The following ERC2 variants were observed in gnomAD, a reference collection of about 807,000 sequenced individuals.
ERC2 encodes the protein ELKS/RAB6-interacting/CAST family member 2, also known as ERC protein 2.
Under a neutral mutation model 114.8 loss-of-function variants are expected in ERC2, and 42 were observed. The ratio of observed to expected loss-of-function variants is 0.37; its 90% CI spans 0.29 to 0.47. ERC2 has a LOEUF of 0.47. Ranked by LOEUF, ERC2 falls within the 20% of genes least tolerant of loss-of-function variation. The pLI is 0.99. For missense variants in ERC2, 939 were observed against 1,150.7 expected, an observed-to-expected ratio of 0.82 and a Z score of 2.66; for synonymous variants, 454 against 425.5, an observed-to-expected ratio of 1.07 and a Z score of -0.82.
At chr3:55,583,120 G>C (rs1235166871) in intron 17 of ERC2, among the ~76,000 whole-genome samples, 1 of 152,142 alleles carries the variant, frequency 6.6e-6, no homozygotes, top group African/African-American at 2.4e-5. Context: ...AACACCAATT[G>C]TTATGCTCTG....
At position 56,434,447 on chromosome 3, in the gene ERC2, A is replaced by G. The variant is rs2061930049; in HGVS notation, c.561T>C (p.Ser187=). 6.2e-7 allele frequency: 1 copy of G among 1,613,688 alleles called. No homozygotes were observed. The highest frequency in any genetic ancestry group is 8.5e-7 in the Non-Finnish European group (1 of 1,179,878). ...SSMNSIKTFW[S]PELKKERVLR... ...AGACTCTCTCCTTCTTAAGCTCAGG[A>G]CTCCAGAAAGTCTTAATACTGTTCA... Residue 187 remains serine (S), a synonymous_variant, in exon 2 of 18, where the codon AGT becomes AGC. Transcript: ENST00000288221.
At chr3:55,798,942 AT>A (rs2149094437) in intron 14 of ERC2, among the ~76,000 whole-genome samples, 1 of 152,322 alleles carries the variant, frequency 6.6e-6, no homozygotes, top group South Asian at 2.1e-4. Context: ...TTAACTATAC[AT>A]TTTTAAAAAT....
intron 14 of ERC2, among the ~76,000 whole-genome samples, chr3:55,826,529 C>T (rs150242796): frequency 1.7e-4 from 26 of 152,314 alleles, no homozygotes; most frequent in Middle Eastern, 6.8e-3. Flanking sequence ...GAGGTTAAAA[C>T]GTGAACTAGT....
intron 6 of ERC2, among the ~76,000 whole-genome samples, chr3:56,122,827 C>T (rs529711923): frequency 1.4e-4 from 21 of 152,294 alleles, no homozygotes; most frequent in African/African-American, 4.6e-4. Context: ...TAGCAACACC[C>T]TCCTGTCTCT....
At chr3:56,063,120 T>C (rs2076317546) in intron 7 of ERC2, among the ~76,000 whole-genome samples, 1 of 152,206 alleles carries the variant, frequency 6.6e-6, no homozygotes, top group South Asian at 2.1e-4. Flanking sequence ...CACGAAAGTC[T>C]ATCCATATAC....
chr3:55,561,424 C>T (rs1314954840), intron 17 of ERC2, among the ~76,000 whole-genome samples: 1 of 152,106 alleles, frequency 6.6e-6, no homozygotes, highest in African/African-American at 2.4e-5. Context: ...GAAGACTTGG[C>T]AAACGGGGCT....
At chr3:56,271,253 T>C (rs2053637033) in intron 3 of ERC2, among the ~76,000 whole-genome samples, 1 of 152,162 alleles carries the variant, frequency 6.6e-6, no homozygotes, top group African/African-American at 2.4e-5. Context: ...AAGTCTCATA[T>C]CCTGGGAAAC....
At chr3:55,604,932 C>T (rs1335873209) in intron 17 of ERC2, among the ~76,000 whole-genome samples, 1 of 152,138 alleles carries the variant, frequency 6.6e-6, no homozygotes, top group Non-Finnish European at 1.5e-5. Context: ...TCTTGTTGGA[C>T]TCCATCTACA....
At chr3:56,405,632 T>C (rs1473020305) in intron 2 of ERC2, among the ~76,000 whole-genome samples, 2 of 139,572 alleles carry the variant, frequency 1.4e-5, no homozygotes, top group African/African-American at 2.8e-5. Context: ...TGGAGATAGA[T>C]AGATACATAG....
chr3:55,954,228 T>C (rs774909506), intron 12 of ERC2, among the ~76,000 whole-genome samples: 2 of 146,564 alleles, frequency 1.4e-5, no homozygotes, highest in African/African-American at 2.6e-5. Flanking sequence ...ATTTGGAAAA[T>C]ATAGTGGTAA....
At chr3:56,159,116 ACT>A (rs1172736597) in intron 4 of ERC2, among the ~76,000 whole-genome samples, 2 of 151,946 alleles carry the variant, frequency 1.3e-5, no homozygotes, top group African/African-American at 4.8e-5. Context: ...TTGTGCTTTT[ACT>A]CTGGCCATCT....
intron 13 of ERC2, among the ~76,000 whole-genome samples, chr3:55,942,872 T>C (rs1489992455): frequency 6.6e-6 from 1 of 152,210 alleles, no homozygotes; most frequent in Non-Finnish European, 1.5e-5. Context: ...CTGGAGTGTT[T>C]GAATATATAG....
chr3:55,996,019 A>T (rs572213404), intron 10 of ERC2, among the ~76,000 whole-genome samples: 228 of 152,358 alleles, frequency 1.5e-3, no homozygotes, highest in African/African-American at 4.9e-3. Context: ...AAAAGTAGGT[A>T]ACAGACTTGG....
At chr3:55,822,863 T>C (rs2060185523) in intron 14 of ERC2, among the ~76,000 whole-genome samples, 1 of 152,170 alleles carries the variant, frequency 6.6e-6, no homozygotes, top group South Asian at 2.1e-4. Flanking sequence ...TCCACCCGCC[T>C]CGGCCTCCCA....
At chr3:55,939,658 A>G (rs2066658449) in intron 13 of ERC2, among the ~76,000 whole-genome samples, 1 of 152,360 alleles carries the variant, frequency 6.6e-6, no homozygotes, top group South Asian at 2.1e-4. Context: ...TAGTCAAATT[A>G]GTCTCTATTC....
chr3:55,958,233 C>T (rs1416614851), intron 12 of ERC2, among the ~76,000 whole-genome samples: 1 of 152,176 alleles, frequency 6.6e-6, no homozygotes, highest in Non-Finnish European at 1.5e-5. Context: ...CTCCTATCCA[C>T]AGGCAGGTTG....
At chr3:56,106,886 T>C (rs2078692552) in intron 6 of ERC2, among the ~76,000 whole-genome samples, 1 of 152,250 alleles carries the variant, frequency 6.6e-6, no homozygotes, top group Non-Finnish European at 1.5e-5. Flanking sequence ...AAAGATTACT[T>C]TTTAATTACT....
chr3:55,862,420 C>T (rs547514443), intron 14 of ERC2, among the ~76,000 whole-genome samples: 5 of 152,182 alleles, frequency 3.3e-5, no homozygotes, highest in African/African-American at 1.2e-4. Context: ...TACTTCCTCC[C>T]GTTGGGACAC....
chr3:56,052,062 T>C (rs771311216), intron 7 of ERC2, among the ~76,000 whole-genome samples: 73 of 152,248 alleles, frequency 4.8e-4, no homozygotes, highest in Non-Finnish European at 2.1e-4. Flanking sequence ...CCACTTCGCT[T>C]TAAAAGAAAC....
Sources: gnomAD v4.1 joint callset for allele counts (sites outside exome capture counted in the v4.1 genomes callset) on GRCh38, gnomAD v4.1.1 for gene constraint, MANE v1.5 for transcripts, NCBI Gene and HGNC (gene_info 2026-07-23, HGNC 2026-07-21) for gene names.